RAPGEF5: variants seen among roughly 807,000 people sequenced by gnomAD.
RAPGEF5 encodes the protein Rap guanine nucleotide exchange factor 5, also known as M-Ras-regulated GEF.
Under a neutral mutation model 125.2 loss-of-function variants are expected in RAPGEF5, and 65 were observed. The ratio of observed to expected loss-of-function variants is 0.52; its 90% CI spans 0.43 to 0.64. The LOEUF (loss-of-function observed/expected upper bound fraction) is 0.64. Ranked by LOEUF, RAPGEF5 falls within the 30% of genes least tolerant of loss-of-function variation. The pLI, the probability that RAPGEF5 is intolerant of heterozygous loss-of-function variation, is 0.00. For synonymous variants in RAPGEF5, 391 were observed against 385.9 expected, an observed-to-expected ratio of 1.01 and a Z score of -0.16; for missense variants, 958 against 1,048.1, an observed-to-expected ratio of 0.91 and a Z score of 1.19.
chr7:22,185,481 C>T lies in RAPGEF5; in HGVS notation c.1204+7886G>A, dbSNP rs1784798262. On this transcript the variant is annotated intron_variant, in intron 11 of 25. Transcript: ENST00000665637. ...GTCAACACTAATTTATAAAGCCTTCCAATGCTTCAATTATGGTCAACAAAT... is the reference window on the plus strand; with the variant it reads ...GTCAACACTAATTTATAAAGCCTTCTAATGCTTCAATTATGGTCAACAAAT... Among the ~76,000 whole-genome samples the T allele has an allele frequency of 2.0e-5, 3 of 152,102 alleles. No homozygotes were observed. In the South Asian group the frequency reaches 6.2e-4, roughly 32 times the overall value.
intron 11 of RAPGEF5, among the ~76,000 whole-genome samples, chr7:22,182,610 TAC>T (rs1434117080): frequency 6.6e-6 from 1 of 152,206 alleles, no homozygotes; most frequent in Non-Finnish European, 1.5e-5. Flanking sequence ...TATGGCAATT[TAC>T]ACATTTTTAA....
chr7:22,266,985 C>T lies in RAPGEF5; in HGVS notation c.775G>A (p.Ala259Thr), dbSNP rs764319530. The T allele has an allele frequency of 1.9e-6, 3 of 1,610,738 alleles. No homozygotes were observed. Among genetic ancestry groups the T allele is most frequent in the African/African-American group, 1.3e-5 (1 of 74,792 alleles). The part of the protein sequence containing the change: ...AVQRELAAVI[A>T]LKARKSAIEQ... Reference sequence around the variant, plus strand: ...TTACCAGACTTCCTTGCTTTCAAAGCAATAACAGCTGCTAGCTCTCTCTGC... The same window carrying T: ...TTACCAGACTTCCTTGCTTTCAAAGTAATAACAGCTGCTAGCTCTCTCTGC... The change falls in exon 7 of 26, where the codon GCT (alanine) becomes ACT (threonine). Residue 259 changes from alanine to threonine, a missense_variant. Coordinates refer to ENST00000665637, the MANE Select transcript of RAPGEF5 (RefSeq NM_012294.5).
intron 6 of RAPGEF5, among the ~76,000 whole-genome samples, chr7:22,273,271 T>G (rs991983659): frequency 3.0e-4 from 44 of 144,690 alleles, no homozygotes; most frequent in African/African-American, 1.1e-3. Context: ...CAGGCTTGAG[T>G]GCAGTGGCGC....
chr7:22,271,115 G>A (rs1782405880), intron 6 of RAPGEF5, among the ~76,000 whole-genome samples: 1 of 152,036 alleles, frequency 6.6e-6, no homozygotes, highest in East Asian at 1.9e-4. Flanking sequence ...TCTTTAAATA[G>A]CTTGAGTTTT....
chr7:22,167,075 T>TA lies in RAPGEF5; in HGVS notation c.1277dup (p.Leu426PhefsTer7). On this transcript the variant is annotated frameshift_variant, in exon 12 of 26. Transcript: ENST00000665637. LOFTEE classifies it high-confidence loss of function. ...CTGAAGATAATGAAGGATATTGCCT[T>TA]AACAGAGCCTGGCACAAGTCATCAG... is the stretch of plus-strand genomic sequence containing the variant. The TA allele has an allele frequency of 6.2e-7, 1 of 1,610,450 alleles. No individual in the cohort carries two copies. Among genetic ancestry groups the TA allele is most frequent in the Non-Finnish European group, 8.5e-7 (1 of 1,177,086 alleles).
intron 17 of RAPGEF5, among the ~76,000 whole-genome samples, chr7:22,153,200 TAGTGGTACTACCTTG>T (rs1463032983): frequency 6.6e-6 from 1 of 152,204 alleles, no homozygotes; most frequent in African/African-American, 2.4e-5. Flanking sequence ...TCACTCTCTG[TAGTGGTACTACCTTG>T]AGAGGTGGAT....
At chr7:22,179,622 C>G (rs1274413702) in intron 11 of RAPGEF5, among the ~76,000 whole-genome samples, 2 of 152,160 alleles carry the variant, frequency 1.3e-5, no homozygotes, top group Non-Finnish European at 2.9e-5. Flanking sequence ...GATAGTACGT[C>G]TGCACAAGGT....
chr7:22,222,885 G>A (rs1785826672), intron 8 of RAPGEF5, among the ~76,000 whole-genome samples: 1 of 152,108 alleles, frequency 6.6e-6, no homozygotes, highest in Non-Finnish European at 1.5e-5. Context: ...TCTAACCACT[G>A]GATATATTTC....
At chr7:22,176,811 G>A (rs189649838) in intron 11 of RAPGEF5, among the ~76,000 whole-genome samples, 22 of 152,308 alleles carry the variant, frequency 1.4e-4, no homozygotes, top group East Asian at 5.8e-4. Context: ...GATTACAGGC[G>A]TGAGCCACTG....
chr7:22,330,085 A>G (rs1006323888), intron 1 of RAPGEF5, among the ~76,000 whole-genome samples: 4 of 152,236 alleles, frequency 2.6e-5, no homozygotes, highest in African/African-American at 9.6e-5. Context: ...TGTCACCTCC[A>G]ACCCTATAAA....
At chr7:22,230,763 A>G (rs760467180) in intron 8 of RAPGEF5, 83 bp downstream of exon 8, 15 of 1,252,812 alleles carry the variant, frequency 1.2e-5, no homozygotes, top group African/African-American at 6.1e-5. Flanking sequence ...GGTAAAACCT[A>G]TATCATTTTT....
At chr7:22,171,692 G>A (rs1395094234) in intron 11 of RAPGEF5, among the ~76,000 whole-genome samples, 2 of 152,142 alleles carry the variant, frequency 1.3e-5, no homozygotes, top group African/African-American at 2.4e-5. Flanking sequence ...AGAGATGGGG[G>A]TTTCACCATG....
intron 18 of RAPGEF5, among the ~76,000 whole-genome samples, chr7:22,150,074 CTTTTTTTTTTTTTT>C (rs71550462): frequency 1.8e-4 from 14 of 76,294 alleles, no homozygotes; most frequent in African/African-American, 7.1e-4. Flanking sequence ...ACGTGTGTTC[CTTTTTTTTTTTTTT>C]TTTTTTTTTG....
chr7:22,197,191 TG>T (rs1389677455), intron 9 of RAPGEF5, among the ~76,000 whole-genome samples: 1 of 151,626 alleles, frequency 6.6e-6, no homozygotes, highest in East Asian at 1.9e-4. Context: ...AGGTCAGGAG[TG>T]GGGAAAATGT....
At chr7:22,236,336 T>C (rs1193994959) in intron 7 of RAPGEF5, among the ~76,000 whole-genome samples, 1 of 152,140 alleles carries the variant, frequency 6.6e-6, no homozygotes, top group African/African-American at 2.4e-5. Context: ...GGCCCACATT[T>C]CCAGTCACGA....
rs147078386 is a variant in RAPGEF5 at position 22,143,860 on chromosome 7, G to A, written c.2186+1184C>T. Among the ~76,000 whole-genome samples, 197 of 152,298 alleles carry A rather than the reference G, an allele frequency of 1.3e-3. 1 individual carries two copies. Among genetic ancestry groups the A allele is most frequent in the African/African-American group, 4.5e-3 (187 of 41,560 alleles). On this transcript the variant is annotated intron_variant, in intron 20 of 25. Coordinates refer to ENST00000665637, the MANE Select transcript of RAPGEF5 (RefSeq NM_012294.5). ...AGAATTACCCACTGACACACTGCAC[G>A]CCTCACAAAGGCAGGAACTGGTGTA... is the stretch of plus-strand genomic sequence containing the variant.
chr7:22,225,894 GGAGAGAAATGTTAT>G (rs1785906959), intron 8 of RAPGEF5, among the ~76,000 whole-genome samples: 1 of 152,152 alleles, frequency 6.6e-6, no homozygotes, highest in African/African-American at 2.4e-5. Flanking sequence ...CAGCCTTTGA[GGAGAGAAATGTTAT>G]GAATGTAAAC....
At chr7:22,170,974 C>G (rs1784331232) in intron 11 of RAPGEF5, among the ~76,000 whole-genome samples, 1 of 151,544 alleles carries the variant, frequency 6.6e-6, no homozygotes, top group Non-Finnish European at 1.5e-5. Flanking sequence ...CTATATTGTT[C>G]TAAATTTTTC....
At chr7:22,193,284 A>G in intron 11 of RAPGEF5, 83 bp downstream of exon 11, 4 of 1,435,322 alleles carry the variant, frequency 2.8e-6, no homozygotes, top group Non-Finnish European at 3.8e-6. Context: ...GTTTCAGCTA[A>G]CAGTGGGAAC....
Sources: allele counts gnomAD v4.1 joint callset (sites outside exome capture counted in the v4.1 genomes callset), GRCh38; gene constraint gnomAD v4.1.1; transcripts MANE v1.5; gene names NCBI Gene and HGNC (gene_info 2026-07-23, HGNC 2026-07-21).